Variants in HNRNPAB observed in about 807,000 individuals in gnomAD.
HNRNPAB encodes the protein ABBP-1.
A neutral mutation model predicts 44.1 loss-of-function variants in HNRNPAB; 17 were observed. The ratio of observed to expected loss-of-function variants is 0.39; its 90% CI spans 0.26 to 0.58. The LOEUF (loss-of-function observed/expected upper bound fraction) is 0.58, where lower values mean the gene tolerates loss of function less well. Ranked by LOEUF, HNRNPAB falls within the 20% of genes least tolerant of loss-of-function variation. The probability of loss-of-function intolerance (pLI) is 0.63; values close to 1 mark genes in which losing one functional copy is unlikely to be tolerated. For synonymous variants in HNRNPAB, 183 were observed against 167.6 expected (o/e 1.09, Z -0.71); for missense variants, 393 against 432.7 (o/e 0.91, Z 0.81).
At chr5:178,206,949 C>G (rs1431566005) in intron 4 of HNRNPAB, 59 bp downstream of exon 4, 3 of 1,599,816 alleles carry the variant, frequency 1.9e-6, no homozygotes, top group African/African-American at 1.3e-5. Context: ...TCTTTCTGGT[C>G]CTTGGTATCC....
In HNRNPAB at chr5:178,208,184, G is replaced by A. The variant is rs147060754; in HGVS notation, c.669+959G>A. On this transcript the variant is annotated intron_variant, in intron 5 of 7. Coordinates refer to ENST00000358344, the MANE Select transcript of HNRNPAB (RefSeq NM_031266.3). Reference sequence around the variant, plus strand: ...GTTGGCAGTTGGGAGTTGAGGGTGCGGCCTGCAGTGGCAGGGTGTGGCAGG... The same window carrying A: ...GTTGGCAGTTGGGAGTTGAGGGTGCAGCCTGCAGTGGCAGGGTGTGGCAGG... Among the ~76,000 whole-genome samples, 778 of 152,268 alleles carry A rather than the reference G, an allele frequency of 5.1e-3. 4 individuals are homozygous for A. The highest frequency in any genetic ancestry group is 8.9e-3 in the African/African-American group (368 of 41,548).
Position 178,210,650 on chromosome 5 carries a change from C to A in HNRNPAB, c.*27C>A. The A allele has an allele frequency of 6.4e-7, 1 of 1,564,770 alleles. No homozygotes were observed. The highest frequency in any genetic ancestry group is 8.8e-7 in the Non-Finnish European group (1 of 1,135,336). On this transcript the variant is annotated 3_prime_UTR_variant, in exon 8 of 8. Coordinates refer to ENST00000358344, the MANE Select transcript of HNRNPAB (RefSeq NM_031266.3). ...GCGGCAGCAGGAGCGACCAACTGAT[C>A]GCACACATGCTTTGTTTGGATATGG...
At chr5:178,210,441 A>G in intron 7 of HNRNPAB, 112 bp from the exon 8 acceptor site, 3 of 1,505,954 alleles carry the variant, frequency 2.0e-6, no homozygotes, top group Non-Finnish European at 2.7e-6. Flanking sequence ...AACATGAGGA[A>G]GGCAGTCTCT....
intron 2 of HNRNPAB, among the ~76,000 whole-genome samples, chr5:178,205,379 G>A (rs1364897931): frequency 6.6e-6 from 1 of 151,926 alleles, no homozygotes; most frequent in Non-Finnish European, 1.5e-5. Flanking sequence ...GGGCCGCGCC[G>A]GCGGCTGCGT....
chr5:178,210,480 A>AGAT (rs1273021007), intron 7 of HNRNPAB, 73 bp from the exon 8 acceptor site: 1 of 1,508,706 alleles, frequency 6.6e-7, no homozygotes, highest in Non-Finnish European at 9.2e-7. Flanking sequence ...GGTCCTGGGA[A>AGAT]GATGCATATC....
At position 178,204,977 on chromosome 5, in the gene HNRNPAB, C is replaced by T. The variant is rs1204513605; in HGVS notation, c.140C>T (p.Pro47Leu). Residue 47 changes from proline to leucine, a missense_variant, in exon 2 of 8, where the codon CCC (proline) becomes CTC (leucine). By Grantham distance (98) the Pro-to-Leu change is moderately conservative (BLOSUM62 -3). Around this residue, in one of 3 missense-constraint regions of HNRNPAB, gnomAD observed 81 missense variants for 73.4 expected, o/e 1.10. Transcript: ENST00000358344. ...GGGGCTGGAGGCGCGACCGCGGCGC[C>T]CCCGAGCGGGAATCAGAACGGCGCC... ...AAGAGGATAAPPSGNQNGAEG... is the reference protein window; with the variant it reads ...AAGAGGATAALPSGNQNGAEG... 1 of 1,209,288 alleles carries T rather than the reference C, an allele frequency of 8.3e-7. No homozygotes were observed. Among genetic ancestry groups the T allele is most frequent in the Non-Finnish European group, 1.0e-6 (1 of 973,604 alleles). The allele number at this position is 1,209,288 out of a possible 1,614,324, so 74.9% of individuals were successfully genotyped here. A position where few individuals can be genotyped will look rare whatever the true frequency, so the allele number is the denominator to read the frequency against.
At position 178,210,151 on chromosome 5, in the gene HNRNPAB, TCAGGGCTACGGCAACTACTGGAAC is replaced by T. The variant is rs760292313; in HGVS notation, c.820_843del (p.Asn274_Gly281del). ...CCACAGGTCAGAGTCAGAGTTGGAATCAGGGCTACGGCAACTACTGGAACCAGGGCTACGGCTACCAGCAGGGCT... is the reference window on the plus strand; with the variant it reads ...CCACAGGTCAGAGTCAGAGTTGGAATCAGGGCTACGGCTACCAGCAGGGCT... On this transcript the variant is annotated inframe_deletion, in exon 7 of 8. Coordinates refer to ENST00000358344, the MANE Select transcript of HNRNPAB (RefSeq NM_031266.3). 1.7e-5 allele frequency: 27 copies of T among 1,614,100 alleles called. No individual in the cohort carries two copies. The highest frequency in any genetic ancestry group is 4.5e-5 in the East Asian group (2 of 44,890).
At chr5:178,209,890 CTGAGTGAG>C (rs1050686444) in intron 6 of HNRNPAB, among the ~76,000 whole-genome samples, 8 of 152,112 alleles carry the variant, frequency 5.3e-5, no homozygotes, top group Admixed American at 1.3e-4. Context: ...CAGAGAGTGA[CTGAGTGAG>C]TGAGCTGCCT....
chr5:178,209,546 G>A (rs552778729), intron 6 of HNRNPAB, 99 bp downstream of exon 6: 9 of 1,036,402 alleles, frequency 8.7e-6, no homozygotes, highest in Non-Finnish European at 1.3e-5. Flanking sequence ...CAGCAGGGGT[G>A]GGCAGATTGT....
intron 3 of HNRNPAB, 67 bp from the exon 4 acceptor site, chr5:178,206,665 G>T (rs1757074540): frequency 2.7e-6 from 4 of 1,499,054 alleles, no homozygotes; most frequent in Non-Finnish European, 3.7e-6. Context: ...TGTCTTTATG[G>T]CTTAGAGAGA....
At chr5:178,206,197 A>G (rs1757049767) in intron 3 of HNRNPAB, among the ~76,000 whole-genome samples, 187 bp downstream of exon 3, 1 of 152,214 alleles carries the variant, frequency 6.6e-6, no homozygotes, top group Non-Finnish European at 1.5e-5. Flanking sequence ...TGGGAGTGAG[A>G]GAATGTGCTG....
In HNRNPAB at chr5:178,210,686, A is replaced by C. The variant is rs778261912; in HGVS notation, c.*63A>C. 1.8e-5 allele frequency: 23 copies of C among 1,283,818 alleles called. No homozygotes were observed. Among genetic ancestry groups the C allele is most frequent in the Non-Finnish European group, 2.6e-5 (23 of 881,804 alleles). 79.5% of individuals were successfully genotyped at this position (1,283,818 alleles called of 1,614,324 possible). On this transcript the variant is annotated 3_prime_UTR_variant, in exon 8 of 8. Transcript: ENST00000358344. ...TTTGTTTGGATATGGAGTGAACACAATTATGTACCAAATTTAACTTGGCAA... is the reference window on the plus strand; with the variant it reads ...TTTGTTTGGATATGGAGTGAACACACTTATGTACCAAATTTAACTTGGCAA...
intron 2 of HNRNPAB, 95 bp from the exon 3 acceptor site, chr5:178,205,747 G>A: frequency 8.4e-7 from 1 of 1,188,380 alleles, no homozygotes; most frequent in Non-Finnish European, 1.2e-6. Flanking sequence ...AAGGGTAGCT[G>A]TAGACTTCGT....
At position 178,210,962 on chromosome 5, in the gene HNRNPAB, C is replaced by A. The variant is rs991621810; in HGVS notation, c.*339C>A. The stretch of plus-strand genomic sequence containing the variant: ...AAGAGTAAATTGTATCTTAGGAAAC[C>A]AGTGTCACCTTTTTTTCACCTTTTA... On this transcript the variant is annotated 3_prime_UTR_variant, in exon 8 of 8. Coordinates refer to ENST00000358344, the MANE Select transcript of HNRNPAB (RefSeq NM_031266.3). 1 of 293,376 alleles carries A rather than the reference C, an allele frequency of 3.4e-6. No homozygotes were observed. The highest frequency in any genetic ancestry group is 6.3e-6 in the Non-Finnish European group (1 of 157,502). The allele number at this position is 293,376 out of a possible 1,614,324, so 18.2% of individuals were successfully genotyped here. A position where few individuals can be genotyped will look rare whatever the true frequency, so the allele number is the denominator to read the frequency against.
chr5:178,205,803 A>G, intron 2 of HNRNPAB, 39 bp from the exon 3 acceptor site: 4 of 1,594,368 alleles, frequency 2.5e-6, no homozygotes, highest in Non-Finnish European at 2.6e-6. Context: ...CAGCTTGCTT[A>G]CAAGACTTGT....
chr5:178,209,300 T>G, intron 5 of HNRNPAB, 30 bp from the exon 6 acceptor site: 1 of 1,584,594 alleles, frequency 6.3e-7, no homozygotes. Context: ...TTTGTCCTAC[T>G]GGCCTGACCA....
Position 178,207,104 on chromosome 5 carries a change from T to C in HNRNPAB, c.548T>C (p.Ile183Thr), listed in dbSNP as rs142595942. The C allele has an allele frequency of 2.1e-5, 34 of 1,614,022 alleles. No individual in the cohort carries two copies. The highest frequency in any genetic ancestry group is 2.7e-5 in the African/African-American group (2 of 74,916). The change falls in exon 5 of 8, where the codon ATT becomes ACT. Residue 183 changes from isoleucine (I) to threonine (T), a missense_variant. This residue lies in a region of HNRNPAB where 210 missense variants were observed against 196.9 expected (regional missense o/e 1.07). Coordinates refer to ENST00000358344, the MANE Select transcript of HNRNPAB (RefSeq NM_031266.3). Reference protein sequence around the residue: ...YFGEFGEIEAIELPMDPKLNK... With the variant: ...YFGEFGEIEATELPMDPKLNK... ...CTATGCTTTTTGCAGATTGAGGCCA[T>C]TGAATTGCCAATGGATCCAAAGTTG...
At chr5:178,206,679 GC>G (rs1454793108) in intron 3 of HNRNPAB, 52 bp from the exon 4 acceptor site, 1 of 1,566,488 alleles carries the variant, frequency 6.4e-7, no homozygotes, top group Non-Finnish European at 8.8e-7. Flanking sequence ...AGAGAGAAGG[GC>G]CTTGTCTGGC....
In HNRNPAB at chr5:178,205,932, A is replaced by T; in HGVS notation, c.300A>T (p.Thr100=). The T allele has an allele frequency of 6.2e-7, 1 of 1,614,176 alleles. No individual in the cohort carries two copies. The highest frequency in any genetic ancestry group is 1.1e-5 in the South Asian group (1 of 91,088). Residue 100 remains threonine, a synonymous_variant, in exon 3 of 8, where the codon ACA becomes ACT. Transcript: ENST00000358344. ...FTKFGEVVDC[T]IKMDPNTGRS... ...AATTTGGAGAGGTCGTTGACTGTAC[A>T]ATAAAAATGGATCCCAACACTGGAC...
Sources: allele counts gnomAD v4.1 joint callset (sites outside exome capture counted in the v4.1 genomes callset), GRCh38; gene constraint gnomAD v4.1.1; regional missense constraint gnomAD v4.1.1; transcripts MANE v1.5; gene names NCBI Gene and HGNC (gene_info 2026-07-23, HGNC 2026-07-21).